Variants in STXBP5L observed in about 807,000 individuals in gnomAD.
STXBP5L encodes syntaxin-binding protein 5-like.
A neutral mutation model predicts 144.5 loss-of-function variants in STXBP5L; 65 were observed. The ratio of observed to expected loss-of-function variants is 0.45; its 90% CI spans 0.37 to 0.55. The LOEUF is 0.55. Among genes scored for constraint, STXBP5L ranks in the 20% least tolerant of loss-of-function variants. The pLI is 0.00. For missense variants in STXBP5L, 1,298 were observed against 1,405.5 expected (o/e 0.92, Z 1.22); for synonymous variants, 505 against 469.6 (o/e 1.08, Z -0.97).
At chr3:121,360,531 G>T (rs187707155) in intron 20 of STXBP5L, among the ~76,000 whole-genome samples, 1 of 151,648 alleles carries the variant, frequency 6.6e-6, no homozygotes. Context: ...ATATGATTTC[G>T]TTTCCTGCTT....
chr3:120,988,743 G>A (rs767999804), intron 3 of STXBP5L, among the ~76,000 whole-genome samples: 3 of 151,988 alleles, frequency 2.0e-5, no homozygotes, highest in Non-Finnish European at 2.9e-5. Flanking sequence ...GGTTTGCCTA[G>A]GCTTTTAGTG....
At chr3:121,082,132 T>G (rs1231301976) in intron 5 of STXBP5L, among the ~76,000 whole-genome samples, 1 of 152,126 alleles carries the variant, frequency 6.6e-6, no homozygotes, top group East Asian at 1.9e-4. Context: ...TTAGAATAAG[T>G]TTTTTTACTT....
intron 20 of STXBP5L, among the ~76,000 whole-genome samples, chr3:121,377,365 A>G (rs2046213703): frequency 6.6e-6 from 1 of 152,248 alleles, no homozygotes; most frequent in African/African-American, 2.4e-5. Flanking sequence ...GAGCTTCTGC[A>G]CAGCAAAAGA....
At chr3:121,164,570 C>T (rs949807595) in intron 9 of STXBP5L, among the ~76,000 whole-genome samples, 1 of 152,056 alleles carries the variant, frequency 6.6e-6, no homozygotes, top group Non-Finnish European at 1.5e-5. Context: ...AAATCACCAC[C>T]CTATAAAGTT....
At chr3:120,962,047 T>G (rs1476547585) in intron 3 of STXBP5L, among the ~76,000 whole-genome samples, 1 of 152,076 alleles carries the variant, frequency 6.6e-6, no homozygotes, top group Non-Finnish European at 1.5e-5. Context: ...TTTTTTCATG[T>G]GTCTTTTGGC....
intron 5 of STXBP5L, among the ~76,000 whole-genome samples, chr3:121,076,770 T>G (rs569089957): frequency 2.8e-4 from 43 of 152,324 alleles, no homozygotes; most frequent in African/African-American, 1.0e-3. Context: ...TTAAAGTTTT[T>G]CAGCATGCAC....
intron 19 of STXBP5L, among the ~76,000 whole-genome samples, chr3:121,296,017 A>G (rs1419259347): frequency 6.6e-6 from 1 of 152,214 alleles, no homozygotes; most frequent in Non-Finnish European, 1.5e-5. Flanking sequence ...TTTAAGTTAT[A>G]AAAGTTGGTG....
chr3:120,965,821 T>G (rs1198814729), intron 3 of STXBP5L, among the ~76,000 whole-genome samples: 1 of 152,160 alleles, frequency 6.6e-6, no homozygotes, highest in African/African-American at 2.4e-5. Context: ...GAGTGTTGGC[T>G]TGTCTTGCTA....
chr3:121,140,993 T>C (rs1290880877), intron 7 of STXBP5L, among the ~76,000 whole-genome samples: 1 of 152,186 alleles, frequency 6.6e-6, no homozygotes, highest in African/African-American at 2.4e-5. Flanking sequence ...CTGTGTTATA[T>C]GTGATAAAAA....
chr3:121,188,213 C>T (rs1016075310), intron 9 of STXBP5L, among the ~76,000 whole-genome samples: 6 of 152,116 alleles, frequency 3.9e-5, no homozygotes, highest in African/African-American at 1.4e-4. Flanking sequence ...AACTCTCCAC[C>T]CCAAATCAAT....
chr3:121,107,432 G>T (rs916389473), intron 5 of STXBP5L, among the ~76,000 whole-genome samples: 2 of 152,018 alleles, frequency 1.3e-5, no homozygotes, highest in Admixed American at 6.6e-5. Flanking sequence ...TTTTCTGAAT[G>T]TGGCTTGCCA....
intron 2 of STXBP5L, among the ~76,000 whole-genome samples, chr3:120,949,815 AC>A (rs1361974662): frequency 1.3e-5 from 2 of 152,124 alleles, no homozygotes; most frequent in South Asian, 2.1e-4. Context: ...TGTTTTGGTA[AC>A]TATAGCCTTG....
intron 3 of STXBP5L, among the ~76,000 whole-genome samples, chr3:121,009,298 A>T (rs930336048): frequency 2.6e-5 from 4 of 151,964 alleles, no homozygotes; most frequent in Non-Finnish European, 4.4e-5. Context: ...ATTCATTCAC[A>T]TGCTTCTTCC....
intron 3 of STXBP5L, among the ~76,000 whole-genome samples, chr3:120,962,642 G>A (rs994722066): frequency 6.6e-6 from 1 of 152,134 alleles, no homozygotes; most frequent in Non-Finnish European, 1.5e-5. Flanking sequence ...CTATATCTCT[G>A]TTTTGGTACC....
At chr3:121,373,020 A>G (rs1419939061) in intron 20 of STXBP5L, among the ~76,000 whole-genome samples, 1 of 152,224 alleles carries the variant, frequency 6.6e-6, no homozygotes, top group South Asian at 2.1e-4. Context: ...TATATCCAAG[A>G]GTAAAACTTG....
intron 3 of STXBP5L, among the ~76,000 whole-genome samples, chr3:121,004,099 A>T (rs1376145516): frequency 6.6e-6 from 1 of 152,040 alleles, no homozygotes; most frequent in Non-Finnish European, 1.5e-5. Flanking sequence ...AGTCATTGGT[A>T]GCTTGATGGG....
Position 121,231,499 on chromosome 3 carries a change from G to A in STXBP5L, c.1112-2117G>A, listed in dbSNP as rs72968029. The stretch of plus-strand genomic sequence containing the variant: ...TCAGTGTATTGCCTGAAGGCTTTAA[G>A]GACCACAAGAAAGGAAGAAGCATTT... On this transcript the variant is annotated intron_variant, in intron 11 of 26. Transcript: ENST00000471454. Among the ~76,000 whole-genome samples the A allele has an allele frequency of 2.5e-3, 384 of 152,256 alleles. 2 individuals are homozygous for A. The highest frequency in any genetic ancestry group is 8.6e-3 in the African/African-American group (358 of 41,556).
chr3:121,105,062 A>T (rs1162010286), intron 5 of STXBP5L, among the ~76,000 whole-genome samples: 1 of 152,172 alleles, frequency 6.6e-6, no homozygotes, highest in African/African-American at 2.4e-5. Flanking sequence ...AAATAATCCC[A>T]TCAAAAAGTG....
intron 5 of STXBP5L, among the ~76,000 whole-genome samples, chr3:121,090,413 T>G (rs987307423): frequency 2.0e-5 from 3 of 152,124 alleles, no homozygotes; most frequent in Admixed American, 1.3e-4. Flanking sequence ...TCCTTACTGC[T>G]CCTCAAATGG....
Sources: gnomAD v4.1 joint callset for allele counts (sites outside exome capture counted in the v4.1 genomes callset) on GRCh38, gnomAD v4.1.1 for gene constraint, MANE v1.5 for transcripts, NCBI Gene and HGNC (gene_info 2026-07-23, HGNC 2026-07-21) for gene names.